Variants in ERCC1 observed in about 807,000 individuals in gnomAD.
The protein encoded by ERCC1 is DNA excision repair protein ERCC-1.
A neutral mutation model predicts 37.6 loss-of-function variants in ERCC1; 36 were observed. The observed-to-expected ratio is 0.96, with a 90% confidence interval of 0.73 to 1.26. ERCC1 has a LOEUF of 1.26. ERCC1 is among the 50% of genes most tolerant of loss of function. The probability of loss-of-function intolerance (pLI) is 0.00; values close to 1 mark genes in which losing one functional copy is unlikely to be tolerated. For missense variants in ERCC1, 349 were observed against 376.5 expected, an observed-to-expected ratio of 0.93 and a Z score of 0.60; for synonymous variants, 156 against 162.1, an observed-to-expected ratio of 0.96 and a Z score of 0.28.
chr19:45,413,551 C>T (rs1973865284), intron 9 of ERCC1, 126 bp downstream of exon 9: 4 of 1,611,274 alleles, frequency 2.5e-6, no homozygotes, highest in Non-Finnish European at 3.4e-6. Flanking sequence ...GTTGGGATTA[C>T]AGGCGGAAGC....
intron 9 of ERCC1, among the ~76,000 whole-genome samples, chr19:45,412,302 G>C (rs944791100): frequency 1.3e-5 from 2 of 151,988 alleles, no homozygotes; most frequent in Non-Finnish European, 2.9e-5. Flanking sequence ...GGGATTACAA[G>C]CATGCGCCAC....
At position 45,421,267 on chromosome 19, in the gene ERCC1, T is replaced by A; in HGVS notation, c.232A>T (p.Thr78Ser). 1 of 1,614,142 alleles carries A rather than the reference T, an allele frequency of 6.2e-7. No homozygotes were observed. The highest frequency in any genetic ancestry group is 8.5e-7 in the Non-Finnish European group (1 of 1,180,022). The part of the protein sequence containing the change: ...PLEGAGATCP[T>S]GSEPLAGETP... ...TCTCCTGCCAGGGGCTCTGACCCTG[T>A]GGGGCACGTGGCCCCAGCCCCTTCC... Residue 78 changes from threonine (T) to serine (S), a missense_variant, in exon 3 of 10, where the codon ACA (threonine) becomes TCA (serine). Transcript: ENST00000300853.
chr19:45,423,857 G>C lies in ERCC1; in HGVS notation c.-84C>G, dbSNP rs934581640. The C allele has an allele frequency of 8.0e-6, 9 of 1,122,930 alleles. No individual in the cohort carries two copies. Among genetic ancestry groups the C allele is most frequent in the Non-Finnish European group, 6.6e-6 (6 of 911,162 alleles). 69.6% of individuals were successfully genotyped at this position (1,122,930 alleles called of 1,614,324 possible). A position where few individuals can be genotyped will look rare whatever the true frequency, so the allele number is the denominator to read the frequency against. On this transcript the variant is annotated 5_prime_UTR_variant, in exon 1 of 10. Coordinates refer to ENST00000300853, the MANE Select transcript of ERCC1 (RefSeq NM_001983.4). ...TTGGAGCCTCAAGGGAAAGACTGCA[G>C]AGGGATCGAGGCGGCCCACTGCCAG...
intron 1 of ERCC1, among the ~76,000 whole-genome samples, chr19:45,431,888 C>A (rs1468331987): frequency 6.6e-6 from 1 of 151,898 alleles, no homozygotes; most frequent in East Asian, 1.9e-4. Flanking sequence ...TGAGACCCTG[C>A]CTCAAAAAAA....
chr19:45,443,515 C>G (rs1045031864), intron 1 of ERCC1, among the ~76,000 whole-genome samples: 1 of 152,196 alleles, frequency 6.6e-6, no homozygotes, highest in Non-Finnish European at 1.5e-5. Flanking sequence ...ACTCCGCCCA[C>G]TTGTGACGTC....
chr19:45,416,513 G>A (rs1032354750), intron 6 of ERCC1: 3 of 356,840 alleles, frequency 8.4e-6, no homozygotes, highest in Non-Finnish European at 1.0e-5. Context: ...TTAGCTGGGC[G>A]TGGTGGTGCA....
rs1973518538 is a variant in ERCC1, at chr19:45,408,994, A to G, written c.*681T>C. The G allele has an allele frequency of 6.2e-7, 1 of 1,614,112 alleles. No individual in the cohort carries two copies. Among genetic ancestry groups the G allele is most frequent in the Admixed American group, 1.7e-5 (1 of 60,014 alleles). ...AGGGACAGATGGCAATGATGGAGCC[A>G]GGGACGGAGGCGATGGAGCCAGTGG... On this transcript the variant is annotated 3_prime_UTR_variant, in exon 10 of 10. Coordinates refer to ENST00000300853, the MANE Select transcript of ERCC1 (RefSeq NM_001983.4).
At chr19:45,431,496 G>A (rs1474637050) in intron 1 of ERCC1, among the ~76,000 whole-genome samples, 6 of 152,150 alleles carry the variant, frequency 3.9e-5, no homozygotes, top group South Asian at 2.1e-4. Context: ...TGACCAACAC[G>A]GAGAAACCCA....
intron 1 of ERCC1, among the ~76,000 whole-genome samples, chr19:45,450,122 C>G (rs1967068233): frequency 6.6e-6 from 1 of 152,180 alleles, no homozygotes; most frequent in Admixed American, 6.5e-5. Flanking sequence ...ACCTCCATTT[C>G]AGGAAGGAAG....
chr19:45,414,118 G>A (rs1416718364), intron 7 of ERCC1, 84 bp from the exon 8 acceptor site: 1 of 1,100,992 alleles, frequency 9.1e-7, no homozygotes, highest in East Asian at 2.4e-5. Flanking sequence ...GGTCACAGCT[G>A]TGTCCCCAGA....
chr19:45,440,540 G>A (rs1021362129), intron 1 of ERCC1, among the ~76,000 whole-genome samples: 2 of 152,138 alleles, frequency 1.3e-5, no homozygotes, highest in African/African-American at 2.4e-5. Context: ...GGACACTTCA[G>A]TCTGGCCTAG....
At chr19:45,409,892 A>ATTTTTT (rs200386912) in intron 9 of ERCC1, 167 bp from the exon 10 acceptor site, 211 of 206,250 alleles carry the variant, frequency 1.0e-3, no homozygotes, top group Middle Eastern at 6.3e-3. Context: ...TATTATTATT[A>ATTTTTT]TTATTTTTTT....
chr19:45,447,743 C>T (rs1191225586), intron 1 of ERCC1, among the ~76,000 whole-genome samples: 4 of 152,130 alleles, frequency 2.6e-5, no homozygotes, highest in Non-Finnish European at 5.9e-5. Context: ...AGGACCTCAC[C>T]TATTATGTAC....
At chr19:45,411,724 A>T (rs1973746980) in intron 9 of ERCC1, among the ~76,000 whole-genome samples, 1 of 151,892 alleles carries the variant, frequency 6.6e-6, no homozygotes, top group Non-Finnish European at 1.5e-5. Context: ...GATCCAGGAG[A>T]CGGAGGTTGC....
At chr19:45,409,896 T>TA in intron 9 of ERCC1, 171 bp from the exon 10 acceptor site, 1 of 159,368 alleles carries the variant, frequency 6.3e-6, no homozygotes. Flanking sequence ...ATTATTATTA[T>TA]TTTTTTTTTT....
chr19:45,420,230 G>T lies in ERCC1; in HGVS notation c.425+94C>A. On this transcript the variant is annotated intron_variant, in intron 4 of 9. Transcript: ENST00000300853. This position sits in a 1 kb window ranked among gnomAD's most constrained non-coding sequence, Gnocchi z 4.8. ...AGAACCTGCAGGACCATGCCCAGAG[G>T]CTTCTCATAGAACAGTCCAGAACAC... The T allele has an allele frequency of 1.2e-6, 1 of 843,436 alleles. No individual in the cohort carries two copies. The highest frequency in any genetic ancestry group is 2.0e-6 in the Non-Finnish European group (1 of 506,812). 52.2% of individuals were successfully genotyped at this position (843,436 alleles called of 1,614,324 possible).
chr19:45,412,015 C>T (rs1599807601), intron 9 of ERCC1, among the ~76,000 whole-genome samples: 1 of 151,640 alleles, frequency 6.6e-6, no homozygotes, highest in African/African-American at 2.4e-5. Flanking sequence ...CACCACCACA[C>T]CCAGCTAATT....
In ERCC1 at chr19:45,423,818, C is replaced by G; in HGVS notation, c.-45G>C. 8.8e-7 allele frequency: 1 copy of G among 1,133,364 alleles called. No homozygotes were observed. Among genetic ancestry groups the G allele is most frequent in the Non-Finnish European group, 1.1e-6 (1 of 916,930 alleles). The allele number at this position is 1,133,364 out of a possible 1,614,324, so 70.2% of individuals were successfully genotyped here. Reference sequence around the variant, plus strand: ...CCTCACGGTTTCAGCGCCGCGAGGCCTCACCTGCTGGTCTTGGAGCCTCAA... The same window carrying G: ...CCTCACGGTTTCAGCGCCGCGAGGCGTCACCTGCTGGTCTTGGAGCCTCAA... On this transcript the variant is annotated 5_prime_UTR_variant, in exon 1 of 10. Coordinates refer to ENST00000300853, the MANE Select transcript of ERCC1 (RefSeq NM_001983.4).
At chr19:45,434,879 G>A (rs1033405980) in intron 1 of ERCC1, among the ~76,000 whole-genome samples, 1 of 152,084 alleles carries the variant, frequency 6.6e-6, no homozygotes, top group South Asian at 2.1e-4. Flanking sequence ...GGGTTCAAGC[G>A]ATTCTGCTGT....
Sources: allele counts gnomAD v4.1 joint callset (sites outside exome capture counted in the v4.1 genomes callset), GRCh38; gene constraint gnomAD v4.1.1; non-coding constraint Gnocchi (gnomAD v3.1); transcripts MANE v1.5; gene names NCBI Gene and HGNC (gene_info 2026-07-23, HGNC 2026-07-21).